TSPAN4: variants seen among roughly 807,000 people sequenced by gnomAD.
The protein encoded by TSPAN4 is tetraspanin 4, also known as tetraspanin-4.
In TSPAN4, 38 loss-of-function variants were observed where a neutral mutation model predicts 31.5. The observed-to-expected ratio is 1.21, with a 90% CI of 0.93 to 1.58. The LOEUF is 1.58. Among genes scored for constraint, TSPAN4 ranks in the 40% most tolerant of loss-of-function variants. The probability of loss-of-function intolerance (pLI) is 0.00; values close to 1 mark genes in which losing one functional copy is unlikely to be tolerated. For synonymous variants in TSPAN4, 186 were observed against 144.6 expected (o/e 1.29, Z -2.06); for missense variants, 330 against 317.3 (o/e 1.04, Z -0.30).
chr11:852,538 G>A (rs1156775492), intron 3 of TSPAN4, among the ~76,000 whole-genome samples: 6 of 152,314 alleles, frequency 3.9e-5, no homozygotes, highest in Admixed American at 6.5e-5. Flanking sequence ...GGGTGGGGGC[G>A]GGGCAGGGGA....
chr11:850,481 G>A, intron 3 of TSPAN4, 114 bp downstream of exon 3: 1 of 901,912 alleles, frequency 1.1e-6, no homozygotes, highest in Non-Finnish European at 1.7e-6. Context: ...GGGTGCGGTT[G>A]TGGGGATGGT....
chr11:865,423 G>C (rs977000673), intron 5 of TSPAN4, 90 bp from the exon 6 acceptor site: 2 of 1,027,890 alleles, frequency 1.9e-6, no homozygotes, highest in Admixed American at 2.1e-5. Context: ...AGGCGCAGGA[G>C]GGGCCCAGCT....
At chr11:864,580 G>A in intron 5 of TSPAN4, 69 bp downstream of exon 5, 1 of 1,582,920 alleles carries the variant, frequency 6.3e-7, no homozygotes, top group Non-Finnish European at 8.6e-7. Context: ...AGGGAGCACT[G>A]TGGGCCCGGT....
At chr11:846,583 C>T (rs995784073) in intron 1 of TSPAN4, among the ~76,000 whole-genome samples, 2 of 152,176 alleles carry the variant, frequency 1.3e-5, no homozygotes, top group Admixed American at 1.3e-4. Flanking sequence ...GGGCCTCTCC[C>T]TGGCCAGAAA....
At position 866,635 on chromosome 11, in the gene TSPAN4, C is replaced by T; in HGVS notation, c.*5C>T. On this transcript the variant is annotated 3_prime_UTR_variant, in exon 9 of 9. Coordinates refer to ENST00000397397, the MANE Select transcript of TSPAN4 (RefSeq NM_003271.5). ...GCAGACACCTACTGCGCGTAGGCCGCCCACCGCCCGCTTCTCTGCCAAAAG... is the reference window on the plus strand; with the variant it reads ...GCAGACACCTACTGCGCGTAGGCCGTCCACCGCCCGCTTCTCTGCCAAAAG... The T allele has an allele frequency of 1.2e-6, 2 of 1,610,750 alleles. No homozygotes were observed. The highest frequency in any genetic ancestry group is 1.7e-6 in the Non-Finnish European group (2 of 1,178,922).
intron 3 of TSPAN4, chr11:857,789 C>T (rs74915614): frequency 0.1 from 15,725 of 152,238 alleles, 931 homozygotes; most frequent in East Asian, 0.25. Context: ...CTGGGCATTT[C>T]GTCTGGAATG....
intron 3 of TSPAN4, among the ~76,000 whole-genome samples, chr11:851,386 T>C (rs894438182): frequency 3.9e-5 from 6 of 152,182 alleles, no homozygotes; most frequent in African/African-American, 1.4e-4. Flanking sequence ...CTGCCTAGGC[T>C]CTGGGCTTCA....
intron 5 of TSPAN4, chr11:865,185 C>T (rs1296574824): frequency 3.1e-6 from 1 of 324,804 alleles, no homozygotes; most frequent in African/African-American, 2.1e-5. Context: ...GCTGGGTGGG[C>T]TCAGCGCTCA....
At chr11:863,162 C>T (rs975056547) in intron 4 of TSPAN4, 1 of 162,540 alleles carries the variant, frequency 6.2e-6, no homozygotes, top group Non-Finnish European at 1.3e-5. Flanking sequence ...TCTCTCAGCT[C>T]CCTGGGACCG....
At chr11:862,412 C>A (rs777583322) in intron 3 of TSPAN4, 138 bp from the exon 4 acceptor site, 3 of 757,352 alleles carry the variant, frequency 4.0e-6, no homozygotes, top group Non-Finnish European at 6.2e-6. Flanking sequence ...GCCGTGGGAT[C>A]TAGCAGGACT....
intron 3 of TSPAN4, among the ~76,000 whole-genome samples, chr11:855,335 G>A (rs1421664760): frequency 1.3e-5 from 2 of 152,220 alleles, no homozygotes; most frequent in Admixed American, 6.5e-5. Context: ...GCGCTTGTGC[G>A]ATGTGAGCCG....
chr11:853,128 G>T (rs1395634850), intron 3 of TSPAN4, among the ~76,000 whole-genome samples: 2 of 152,028 alleles, frequency 1.3e-5, no homozygotes, highest in Admixed American at 6.5e-5. Context: ...GGGTTGGGGG[G>T]CTGGGAGTGG....
intron 3 of TSPAN4, among the ~76,000 whole-genome samples, chr11:861,970 G>A (rs1848483403): frequency 1.3e-5 from 2 of 152,194 alleles, no homozygotes; most frequent in African/African-American, 4.8e-5. Flanking sequence ...CAGAGTGTGA[G>A]GGAATCAGCG....
At chr11:865,212 G>C (rs1848702372) in intron 5 of TSPAN4, 2 of 391,062 alleles carry the variant, frequency 5.1e-6, no homozygotes, top group South Asian at 6.4e-5. Flanking sequence ...CTGGCTTTCA[G>C]CTCACAGAGC....
chr11:852,328 T>C (rs1305754740), intron 3 of TSPAN4, among the ~76,000 whole-genome samples: 1 of 152,192 alleles, frequency 6.6e-6, no homozygotes, highest in Non-Finnish European at 1.5e-5. Context: ...TTCACCATGT[T>C]GGTCAGGTTG....
intron 1 of TSPAN4, among the ~76,000 whole-genome samples, chr11:846,628 C>T (rs1297299956): frequency 3.3e-5 from 5 of 151,232 alleles, no homozygotes; most frequent in South Asian, 2.1e-4. Flanking sequence ...GACTCCCCAG[C>T]CTGGCACCCA....
Position 864,472 on chromosome 11 carries a change from G to A in TSPAN4, c.291G>A (p.Glu97=). Residue 97 remains glutamate, a synonymous_variant, in exon 5 of 9, where the codon GAG becomes GAA. Transcript: ENST00000397397. ...TGCTGCTGCTGGTGTTCCTGCTGGA[G>A]GCCACCATCGCCATCCTCTTCTTCG... ...FLLLLLVFLL[E]ATIAILFFAY... The A allele has an allele frequency of 1.2e-6, 2 of 1,612,844 alleles. No homozygotes were observed. Among genetic ancestry groups the A allele is most frequent in the Non-Finnish European group, 1.7e-6 (2 of 1,179,950 alleles).
intron 4 of TSPAN4, 48 bp from the exon 5 acceptor site, chr11:864,389 A>G (rs1848645609): frequency 5.0e-6 from 8 of 1,605,358 alleles, no homozygotes; most frequent in Non-Finnish European, 6.8e-6. Context: ...TGTGGGGCGG[A>G]GGCTGTGCGG....
chr11:861,569 G>A (rs888105493), intron 3 of TSPAN4, among the ~76,000 whole-genome samples: 3 of 152,136 alleles, frequency 2.0e-5, no homozygotes, highest in South Asian at 2.1e-4. Context: ...AAAATTAGCT[G>A]GGCGTGGTGG....
Sources: gnomAD v4.1 joint callset for allele counts (sites outside exome capture counted in the v4.1 genomes callset) on GRCh38, gnomAD v4.1.1 for gene constraint, MANE v1.5 for transcripts, NCBI Gene and HGNC (gene_info 2026-07-23, HGNC 2026-07-21) for gene names.